TENM3: variants seen among roughly 807,000 people sequenced by gnomAD.
The protein encoded by TENM3 is teneurin-3.
In TENM3, 63 loss-of-function variants were observed where a neutral mutation model predicts 255.1. That is an observed-to-expected ratio of 0.25 (90% CI 0.20 to 0.30). The LOEUF (loss-of-function observed/expected upper bound fraction) is 0.30, where lower values mean the gene tolerates loss of function less well. Among genes scored for constraint, TENM3 ranks in the 10% least tolerant of loss-of-function variants. The pLI is 1.00. For synonymous variants in TENM3, 1,306 were observed against 1,322.3 expected, an observed-to-expected ratio of 0.99 and a Z score of 0.27; for missense variants, 2,929 against 3,461.1, an observed-to-expected ratio of 0.85 and a Z score of 3.86.
At chr4:182,028,480 T>G in the TENM3 span, among the ~76,000 whole-genome samples, 1 of 152,186 alleles carries the variant, frequency 6.6e-6, no homozygotes, top group African/African-American at 2.4e-5. Context: ...TATTTTCTTC[T>G]ATTAATTTGG....
chr4:182,517,608 C>T (rs897291876), intron 3 of TENM3, among the ~76,000 whole-genome samples: 3 of 150,166 alleles, frequency 2.0e-5, no homozygotes, highest in South Asian at 2.1e-4. Flanking sequence ...TGGTCTCGAT[C>T]TCCTGACCTC....
chr4:181,575,979 G>A, the TENM3 span, among the ~76,000 whole-genome samples: 1 of 152,208 alleles, frequency 6.6e-6, no homozygotes, highest in Non-Finnish European at 1.5e-5. Flanking sequence ...ATAAATTCAA[G>A]AGGGTACAAG....
rs545596251 is a variant in TENM3, at chr4:182,630,353, C to T, written c.988+1464C>T. ...AGTATTCGGTTAGAAAATGTATCAG[C>T]CATCAAGAGATTCTCTTCTAGTTAG... is the stretch of plus-strand genomic sequence containing the variant. On this transcript the variant is annotated intron_variant, in intron 5 of 27. Coordinates refer to ENST00000511685, the MANE Select transcript of TENM3 (RefSeq NM_001080477.4). Among the ~76,000 whole-genome samples the T allele has an allele frequency of 1.1e-4, 17 of 152,282 alleles. No individual in the cohort carries two copies. In the South Asian group the frequency reaches 3.3e-3, roughly 30 times the overall value.
intron 12 of TENM3, among the ~76,000 whole-genome samples, chr4:182,708,385 A>G (rs1224740396): frequency 6.6e-6 from 1 of 151,998 alleles, no homozygotes; most frequent in East Asian, 1.9e-4. Flanking sequence ...GGTGTTCATA[A>G]TCTGTACATT....
At chr4:182,690,419 A>T (rs1756924979) in intron 12 of TENM3, among the ~76,000 whole-genome samples, 2 of 152,266 alleles carry the variant, frequency 1.3e-5, no homozygotes, top group Admixed American at 6.5e-5. Context: ...CTCTATAACC[A>T]AACAGCTCCA....
chr4:181,655,586 T>C, the TENM3 span, among the ~76,000 whole-genome samples: 4 of 152,354 alleles, frequency 2.6e-5, no homozygotes, highest in African/African-American at 4.8e-5. Context: ...TATGGCCACC[T>C]GCCATGTGGT....
At chr4:181,448,154 A>ATTTTTTTTTTTTTTTTTTTTTTTTTTT in the TENM3 span, among the ~76,000 whole-genome samples, 1 of 90,124 alleles carries the variant, frequency 1.1e-5, no homozygotes, top group African/African-American at 4.8e-5. Context: ...AAATCCAGTA[A>ATTTTTTTTTTTTTTTTTTTTTTTTTTT]TTTTTTTTTT....
chr4:182,315,291 T>G (rs534770394), intron 1 of TENM3, among the ~76,000 whole-genome samples: 1 of 152,346 alleles, frequency 6.6e-6, no homozygotes, highest in East Asian at 1.9e-4. Context: ...CTGAAGGGCT[T>G]CCTTTACATT....
At chr4:182,124,909 A>C in the TENM3 span, among the ~76,000 whole-genome samples, 24 of 152,088 alleles carry the variant, frequency 1.6e-4, no homozygotes, top group African/African-American at 5.8e-4. Flanking sequence ...GAATCTTCCC[A>C]TTGCCCAGCG....
At chr4:181,605,538 GAAAGAAAGAAAGAAAGAAAGAAAGAA>G in the TENM3 span, among the ~76,000 whole-genome samples, 15 of 22,456 alleles carry the variant, frequency 6.7e-4, 1 homozygote, top group Non-Finnish European at 8.1e-4. Flanking sequence ...AAGAAAGAAA[GAAAGAAAGAAAGAAAGAAAGAAAGAA>G]AGAAAGAGAG....
At chr4:182,537,028 G>T (rs867874304) in intron 3 of TENM3, among the ~76,000 whole-genome samples, 14 of 152,164 alleles carry the variant, frequency 9.2e-5, no homozygotes, top group African/African-American at 3.1e-4. Context: ...CCAGAAGAAT[G>T]AAAGACATAA....
At chr4:181,820,120 A>G in the TENM3 span, 2 of 152,220 alleles carry the variant, frequency 1.3e-5, no homozygotes, top group African/African-American at 4.8e-5. Context: ...GAGCTGTGAT[A>G]CTTGGAAGTT....
At chr4:181,530,455 T>TA in the TENM3 span, among the ~76,000 whole-genome samples, 3 of 152,132 alleles carry the variant, frequency 2.0e-5, no homozygotes, top group African/African-American at 7.2e-5. Flanking sequence ...GAGTTACAGG[T>TA]GTAGATGAGT....
At chr4:182,161,596 T>C (rs1751191469) in intron 1 of TENM3, among the ~76,000 whole-genome samples, 1 of 122,306 alleles carries the variant, frequency 8.2e-6, no homozygotes, top group African/African-American at 3.1e-5. Flanking sequence ...CAAATATATA[T>C]ATACATATAT....
Position 182,628,801 on chromosome 4 carries a change from G to C in TENM3, c.900G>C (p.Lys300Asn). The C allele has an allele frequency of 6.2e-7, 1 of 1,611,062 alleles. No homozygotes were observed. Among genetic ancestry groups the C allele is most frequent in the Non-Finnish European group, 8.5e-7 (1 of 1,178,738 alleles). ...TLSRSAFKFKKSSKYCSWKCT... is the reference protein window; with the variant it reads ...TLSRSAFKFKNSSKYCSWKCT... ...CAAGAAGTGCTTTTAAATTCAAGAA[G>C]TCTTCAAAGTACTGTAGCTGGAAAT... Residue 300 changes from lysine (K) to asparagine (N), a missense_variant, in exon 5 of 28, where the codon AAG becomes AAC. Physicochemically the swap from Lys to Asn is moderately conservative, Grantham distance 94. Around this residue, in one of 6 missense-constraint regions of TENM3, gnomAD observed 1,608 missense variants for 1,884.4 expected, o/e 0.85. Coordinates refer to ENST00000511685, the MANE Select transcript of TENM3 (RefSeq NM_001080477.4).
intron 13 of TENM3, among the ~76,000 whole-genome samples, chr4:182,726,353 G>T (rs1277914049): frequency 2.0e-4 from 4 of 19,876 alleles, no homozygotes; most frequent in African/African-American, 7.1e-4. Flanking sequence ...TAACTGAAAA[G>T]CCCAGGAGGT....
chr4:181,887,497 C>T, the TENM3 span, among the ~76,000 whole-genome samples: 22 of 152,226 alleles, frequency 1.4e-4, no homozygotes, highest in African/African-American at 5.3e-4. Flanking sequence ...TCTTCATTCT[C>T]TTTCTTTCTC....
the TENM3 span, among the ~76,000 whole-genome samples, chr4:182,119,177 T>C: frequency 0.26 from 39,657 of 152,024 alleles, 5,533 homozygotes; most frequent in African/African-American, 0.36. Flanking sequence ...CTGACAAAAT[T>C]CCAGCAAGTT....
intron 3 of TENM3, among the ~76,000 whole-genome samples, chr4:182,478,882 C>A (rs1733928065): frequency 6.6e-6 from 1 of 151,522 alleles, no homozygotes; most frequent in African/African-American, 2.4e-5. Context: ...TTAAAGTACT[C>A]CTTTTGTTTT....
Sources: gnomAD v4.1 joint callset for allele counts (sites outside exome capture counted in the v4.1 genomes callset) on GRCh38, gnomAD v4.1.1 for gene constraint, gnomAD v4.1.1 regional missense constraint, MANE v1.5 for transcripts, NCBI Gene and HGNC (gene_info 2026-07-23, HGNC 2026-07-21) for gene names.